Variants in OR6Y1 observed in about 807,000 individuals in gnomAD.
OR6Y1 encodes olfactory receptor 6Y1.
OR6Y1 carries 1 observed loss-of-function variant against 0.4 expected under a neutral mutation model. That is an observed-to-expected ratio of 2.74 (90% CI 0.97 to 13.02). The LOEUF (loss-of-function observed/expected upper bound fraction) is 13.02. Among genes scored for constraint, OR6Y1 ranks in the 30% most tolerant of loss-of-function variants. OR6Y1 has a pLI of 0.12. For synonymous variants in OR6Y1, 173 were observed against 141.1 expected (o/e 1.23, Z -1.60); for missense variants, 480 against 399.8 (o/e 1.20, Z -1.71).
chr1:158,550,339 C>T (rs934892912), intron 1 of OR6Y1, among the ~76,000 whole-genome samples: 3 of 151,250 alleles, frequency 2.0e-5, no homozygotes, highest in Non-Finnish European at 4.4e-5. Context: ...TTTCACAGAA[C>T]TATGCATTCA....
Position 158,548,133 on chromosome 1 carries a change from G to A in OR6Y1, c.-28C>T, listed in dbSNP as rs1468717071. The A allele has an allele frequency of 3.8e-6, 6 of 1,593,376 alleles. No individual in the cohort carries two copies. Among genetic ancestry groups the A allele is most frequent in the South Asian group, 2.3e-5 (2 of 87,780 alleles). Reference sequence around the variant, plus strand: ...CTGGCTGTGGGCACAGACAAAGTCAGTTCCTTCCATGACACAAGCACTAGT... The same window carrying A: ...CTGGCTGTGGGCACAGACAAAGTCAATTCCTTCCATGACACAAGCACTAGT... On this transcript the variant is annotated 5_prime_UTR_variant, in exon 2 of 2. Coordinates refer to ENST00000641622, the MANE Select transcript of OR6Y1 (RefSeq NM_001005189.2).
rs1647601238 is a variant in OR6Y1, at chr1:158,548,027, C to T, written c.79G>A (p.Ala27Thr). ...ATGGAGAAAAAGAGAAGCTGGAAGG[C>T]TGGTCGTGTTGGAAACCCCAGAAGA... is the stretch of plus-strand genomic sequence containing the variant. ...FILLGFPTRP[A>T]FQLLFFSIFL... is the part of the protein sequence containing the mutation. Residue 27 changes from alanine to threonine, a missense_variant, in exon 2 of 2, where the codon GCC becomes ACC. By Grantham distance (58) the Ala-to-Thr change is moderately conservative. Coordinates refer to ENST00000641622, the MANE Select transcript of OR6Y1 (RefSeq NM_001005189.2). 1 of 1,613,564 alleles carries T rather than the reference C, an allele frequency of 6.2e-7. No individual in the cohort carries two copies.
At position 158,547,463 on chromosome 1, in the gene OR6Y1, G is replaced by T. The variant is rs780166638; in HGVS notation, c.643C>A (p.Pro215Thr). ...TAGGATGCCACCACAACACAAAGAG[G>T]AATAGCAATGACCATGAGGGCCAAG... ...FFLALMVIAI[P>T]LCVVVASYAA... The change falls in exon 2 of 2, where the codon CCT becomes ACT. Residue 215 changes from proline (P) to threonine (T), a missense_variant. Physicochemically the swap from Pro to Thr is conservative, Grantham distance 38. Coordinates refer to ENST00000641622, the MANE Select transcript of OR6Y1 (RefSeq NM_001005189.2). The T allele has an allele frequency of 6.2e-7, 1 of 1,613,580 alleles. No homozygotes were observed. Among genetic ancestry groups the T allele is most frequent in the Non-Finnish European group, 8.5e-7 (1 of 1,180,010 alleles).
At chr1:158,549,814 T>C (rs1418479747) in intron 1 of OR6Y1, among the ~76,000 whole-genome samples, 1 of 133,806 alleles carries the variant, frequency 7.5e-6, no homozygotes, top group Non-Finnish European at 1.6e-5. Flanking sequence ...CTTATCTTTT[T>C]CTTCATCCTG....
chr1:158,552,075 G>A (rs888674359), intron 1 of OR6Y1, among the ~76,000 whole-genome samples: 5 of 151,878 alleles, frequency 3.3e-5, no homozygotes, highest in East Asian at 1.9e-4. Flanking sequence ...AGTAAGTCTC[G>A]TCTCGTTCTC....
rs1472245624 is a variant in OR6Y1 at position 158,547,293 on chromosome 1, A to G, written c.813T>C (p.Tyr271=). ...ATACCACTTTGTTGGAATTGTAGGCATACATGAGTTTGGGACGGGCATAGG... is the reference window on the plus strand; with the variant it reads ...ATACCACTTTGTTGGAATTGTAGGCGTACATGAGTTTGGGACGGGCATAGG... The part of the protein sequence containing the change: ...LFTYARPKLM[Y]AYNSNKVVSV... The change falls in exon 2 of 2, where the codon TAT becomes TAC. Residue 271 remains tyrosine (Y), a synonymous_variant. Coordinates refer to ENST00000641622, the MANE Select transcript of OR6Y1 (RefSeq NM_001005189.2). 1.2e-6 allele frequency: 2 copies of G among 1,613,708 alleles called. No individual in the cohort carries two copies. Among genetic ancestry groups the G allele is most frequent in the South Asian group, 2.2e-5 (2 of 91,088 alleles).
rs1647528706 is a variant in OR6Y1 at position 158,546,242 on chromosome 1, A to G, written c.*886T>C. The G allele has an allele frequency of 6.6e-6, 1 of 152,208 alleles. No individual in the cohort carries two copies. Among genetic ancestry groups the G allele is most frequent in the Admixed American group, 6.5e-5 (1 of 15,286 alleles). 9.4% of individuals were successfully genotyped at this position (152,208 alleles called of 1,614,324 possible). On this transcript the variant is annotated 3_prime_UTR_variant, in exon 2 of 2. Coordinates refer to ENST00000641622, the MANE Select transcript of OR6Y1 (RefSeq NM_001005189.2). ...AAACCCTACTTTCAAATATGGTCAC[A>G]TTCTGAGAGACTGGGGTTAGGACAA...
intron 1 of OR6Y1, among the ~76,000 whole-genome samples, chr1:158,550,761 G>T (rs1287880629): frequency 6.6e-6 from 1 of 151,722 alleles, no homozygotes; most frequent in African/African-American, 2.4e-5. Flanking sequence ...CATTGGGCAG[G>T]CTTGTGAGGA....
chr1:158,547,468 G>C lies in OR6Y1; in HGVS notation c.638C>G (p.Ala213Gly). The change falls in exon 2 of 2, where the codon GCT becomes GGT. Residue 213 changes from alanine to glycine, a missense_variant. Physicochemically the swap from Ala to Gly is moderately conservative, Grantham distance 60 (BLOSUM62 0). Coordinates refer to ENST00000641622, the MANE Select transcript of OR6Y1 (RefSeq NM_001005189.2). ...VDFFLALMVI[A>G]IPLCVVVASY... ...TGCCACCACAACACAAAGAGGAATA[G>C]CAATGACCATGAGGGCCAAGAAGAA... is the stretch of plus-strand genomic sequence containing the variant. 6.2e-7 allele frequency: 1 copy of C among 1,613,582 alleles called. No individual in the cohort carries two copies. The highest frequency in any genetic ancestry group is 1.1e-5 in the South Asian group (1 of 91,078).
chr1:158,547,562 A>AAT lies in OR6Y1; in HGVS notation c.543_544insAT (p.Tyr182IlefsTer70). ...AGGAGTGGAGAGATATCACAAAAGT[A>AAT]GTGATTGATCTGAGGCATGCCACAG... On this transcript the variant is annotated frameshift_variant, in exon 2 of 2. Transcript: ENST00000641622. LOFTEE classifies it low-confidence loss of function (END_TRUNC). The AAT allele has an allele frequency of 6.2e-7, 1 of 1,613,150 alleles. No individual in the cohort carries two copies. Among genetic ancestry groups the AAT allele is most frequent in the Middle Eastern group, 1.7e-4 (1 of 6,060 alleles).
chr1:158,547,185 TC>T lies in OR6Y1; in HGVS notation c.920del (p.Arg307LysfsTer29). On this transcript the variant is annotated frameshift_variant, in exon 2 of 2. Coordinates refer to ENST00000641622, the MANE Select transcript of OR6Y1 (RefSeq NM_001005189.2). LOFTEE classifies it low-confidence loss of function (END_TRUNC). ...LRNHEVKAAL[R>X]KTIHCRGSGP... ...CACTTCCTCTGCAATGTATGGTCTTTCTGAGGGCTGCCTTTACTTCATGGTT... is the reference window on the plus strand; with the variant it reads ...CACTTCCTCTGCAATGTATGGTCTTTTGAGGGCTGCCTTTACTTCATGGTT... 1 of 1,613,602 alleles carries T rather than the reference TC, an allele frequency of 6.2e-7. No individual in the cohort carries two copies. Among genetic ancestry groups the T allele is most frequent in the Non-Finnish European group, 8.5e-7 (1 of 1,179,932 alleles).
chr1:158,548,062 G>C lies in OR6Y1; in HGVS notation c.44C>G (p.Thr15Arg), dbSNP rs777601393. 1 of 1,613,450 alleles carries C rather than the reference G, an allele frequency of 6.2e-7. No homozygotes were observed. Among genetic ancestry groups the C allele is most frequent in the East Asian group, 2.2e-5 (1 of 44,860 alleles). ...TGGAAACCCCAGAAGAATGAAACGT[G>C]TTGTCACTGTATGATTATCTACTTC... is the stretch of plus-strand genomic sequence containing the variant. Reference protein sequence around the residue: ...ILEVDNHTVTTRFILLGFPTR... With the variant: ...ILEVDNHTVTRRFILLGFPTR... Residue 15 changes from threonine (T) to arginine (R), a missense_variant, in exon 2 of 2, where the codon ACA becomes AGA. Transcript: ENST00000641622.
rs528185495 is a variant in OR6Y1, at chr1:158,547,533, G to T, written c.573C>A (p.Asn191Lys). 6.2e-7 allele frequency: 1 copy of T among 1,613,398 alleles called. No homozygotes were observed. The highest frequency in any genetic ancestry group is 2.2e-5 in the East Asian group (1 of 44,832). The change falls in exon 2 of 2, where the codon AAC (asparagine) becomes AAA (lysine). Residue 191 changes from asparagine (N) to lysine (K), a missense_variant. Asn to Lys is a moderately conservative substitution (Grantham distance 94). Transcript: ENST00000641622. ...HYFCDISPLLNVSCEDASQAE... is the reference protein window; with the variant it reads ...HYFCDISPLLKVSCEDASQAE... The stretch of plus-strand genomic sequence containing the variant: ...CCTGTGAGGCATCCTCACAGGAGAC[G>T]TTAAGGAGTGGAGAGATATCACAAA...
Position 158,547,718 on chromosome 1 carries a change from C to T in OR6Y1, c.388G>A (p.Ala130Thr), listed in dbSNP as rs1303754295. Residue 130 changes from alanine to threonine, a missense_variant, in exon 2 of 2, where the codon GCC becomes ACC. By Grantham distance (58) the Ala-to-Thr change is moderately conservative (BLOSUM62 0). Transcript: ENST00000641622. The part of the protein sequence containing the change: ...LAIMAFDRYV[A>T]ICNPLRYPVI... ...GGGTAGCGTAGTGGATTACAAATGGCTACATAGCGGTCAAAGGCCATGATA... is the reference window on the plus strand; with the variant it reads ...GGGTAGCGTAGTGGATTACAAATGGTTACATAGCGGTCAAAGGCCATGATA... 3 of 1,613,398 alleles carry T rather than the reference C, an allele frequency of 1.9e-6. No individual in the cohort carries two copies. The highest frequency in any genetic ancestry group is 2.5e-6 in the Non-Finnish European group (3 of 1,180,006).
At chr1:158,552,040 C>A (rs1389457362) in intron 1 of OR6Y1, among the ~76,000 whole-genome samples, 1 of 152,014 alleles carries the variant, frequency 6.6e-6, no homozygotes, top group African/African-American at 2.4e-5. Flanking sequence ...CACCCACATT[C>A]AGGGGTCCTG....
rs1450318817 is a variant in OR6Y1 at position 158,554,346 on chromosome 1, AT to A, written c.-1514del. 6.6e-6 allele frequency: 1 copy of A among 152,260 alleles called. No individual in the cohort carries two copies. Among genetic ancestry groups the A allele is most frequent in the Non-Finnish European group, 1.5e-5 (1 of 68,048 alleles). The allele number at this position is 152,260 out of a possible 1,614,324, so 9.4% of individuals were successfully genotyped here. A position where few individuals can be genotyped will look rare whatever the true frequency, so the allele number is the denominator to read the frequency against. On this transcript the variant is annotated 5_prime_UTR_variant, in exon 1 of 2. An upstream start codon of the reference 5' UTR is lost. Transcript: ENST00000641622. ...TTGCGCTGAGAAAAGAGAAGAAATCATGTAGACCAAGAGAAGAACAATGTAC... is the reference window on the plus strand; with the variant it reads ...TTGCGCTGAGAAAAGAGAAGAAATCAGTAGACCAAGAGAAGAACAATGTAC...
chr1:158,545,566 T>A lies in OR6Y1; in HGVS notation c.*1562A>T, dbSNP rs1647503141. The A allele has an allele frequency of 6.6e-6, 1 of 152,170 alleles. No individual in the cohort carries two copies. 9.4% of individuals were successfully genotyped at this position (152,170 alleles called of 1,614,324 possible). On this transcript the variant is annotated 3_prime_UTR_variant, in exon 2 of 2. Coordinates refer to ENST00000641622, the MANE Select transcript of OR6Y1 (RefSeq NM_001005189.2). ...ATGATCAGTGAGCCTTTTTTTCATA[T>A]GATTGTTGGCTGCATGTATGTTTTC...
In OR6Y1 at chr1:158,546,123, T is replaced by A. The variant is rs1398684688; in HGVS notation, c.*1005A>T. 1 of 152,224 alleles carries A rather than the reference T, an allele frequency of 6.6e-6. No individual in the cohort carries two copies. Among genetic ancestry groups the A allele is most frequent in the Non-Finnish European group, 1.5e-5 (1 of 68,060 alleles). 9.4% of individuals were successfully genotyped at this position (152,224 alleles called of 1,614,324 possible). ...GCACATTGTCTTTCCTCTGTGTGTG[T>A]CTGTGTCCAAATTTTTCCTTTTTAT... is the stretch of plus-strand genomic sequence containing the variant. On this transcript the variant is annotated 3_prime_UTR_variant, in exon 2 of 2. Coordinates refer to ENST00000641622, the MANE Select transcript of OR6Y1 (RefSeq NM_001005189.2).
At chr1:158,552,584 G>A (rs1039913216) in intron 1 of OR6Y1, among the ~76,000 whole-genome samples, 9 of 152,056 alleles carry the variant, frequency 5.9e-5, no homozygotes, top group Non-Finnish European at 1.3e-4. Context: ...ATGAGGTATA[G>A]GGAAGAAAAC....
Sources: allele counts gnomAD v4.1 joint callset (sites outside exome capture counted in the v4.1 genomes callset), GRCh38; gene constraint gnomAD v4.1.1; transcripts MANE v1.5; gene names NCBI Gene and HGNC (gene_info 2026-07-23, HGNC 2026-07-21).